The following COL14A1 variants were observed in gnomAD, a reference collection of about 807,000 sequenced individuals.
COL14A1 encodes collagen type XIV alpha 1 chain, also known as collagen alpha-1(XIV) chain.
COL14A1 carries 136 observed loss-of-function variants against 230.3 expected under a neutral mutation model. The observed-to-expected ratio is 0.59, with a 90% CI of 0.51 to 0.68. The LOEUF is 0.68. Among genes scored for constraint, COL14A1 ranks in the 30% least tolerant of loss-of-function variants. The probability of loss-of-function intolerance (pLI) is 0.00; values close to 1 mark genes in which losing one functional copy is unlikely to be tolerated. For missense variants in COL14A1, 1,976 were observed against 2,215.8 expected (o/e 0.89, Z 2.17); for synonymous variants, 792 against 784.1 (o/e 1.01, Z -0.17).
At chr8:120,296,438 C>T (rs567503449) in intron 34 of COL14A1, among the ~76,000 whole-genome samples, 128 of 151,974 alleles carry the variant, frequency 8.4e-4, no homozygotes, top group African/African-American at 2.8e-3. Flanking sequence ...TTCAATAGTA[C>T]TATCTACTTG....
intron 1 of COL14A1, among the ~76,000 whole-genome samples, chr8:120,139,501 GT>G (rs1267090164): frequency 6.6e-6 from 1 of 152,140 alleles, no homozygotes; most frequent in Non-Finnish European, 1.5e-5. Context: ...TGGATATTCA[GT>G]TTTTGCCTAA....
At chr8:120,302,040 A>C (rs1270605126) in intron 36 of COL14A1, among the ~76,000 whole-genome samples, 1 of 151,802 alleles carries the variant, frequency 6.6e-6, no homozygotes, top group East Asian at 1.9e-4. Flanking sequence ...TCTTTTGAAA[A>C]GTGTCTGTTT....
At position 120,373,225 on chromosome 8, in the gene COL14A1, G is replaced by A. The variant is rs1812219152; in HGVS notation, c.*1994G>A. ...GTATAAATGGCGAAGTATACACTAT[G>A]AGAGATTCTAATCCATTCACATCAT... On this transcript the variant is annotated 3_prime_UTR_variant, in exon 48 of 48. Coordinates refer to ENST00000297848, the MANE Select transcript of COL14A1 (RefSeq NM_021110.4). Among the ~76,000 whole-genome samples, 1 of 152,166 alleles carries A rather than the reference G, an allele frequency of 6.6e-6. No homozygotes were observed. Among genetic ancestry groups the A allele is most frequent in the Admixed American group, 6.6e-5 (1 of 15,266 alleles).
rs780491267 is a variant in COL14A1 at position 120,345,378 on chromosome 8, A to G, written c.4892A>G (p.His1631Arg). Reference protein sequence around the residue: ...RQVCEQLIQSHMARYTAILNQ... With the variant: ...RQVCEQLIQSRMARYTAILNQ... ...GTCTTTATGCTTCATACCTCAGGTC[A>G]CATGGCCAGGTACACTGCCATCCTC... Residue 1631 changes from histidine (H) to arginine (R), a missense_variant, in exon 45 of 48, where the codon CAC (histidine) becomes CGC (arginine). Physicochemically the swap from His to Arg is conservative, Grantham distance 29. Around this residue, in one of 3 missense-constraint regions of COL14A1, gnomAD observed 1,791 missense variants for 2,019.5 expected, o/e 0.89. Coordinates refer to ENST00000297848, the MANE Select transcript of COL14A1 (RefSeq NM_021110.4). 4.4e-6 allele frequency: 7 copies of G among 1,583,288 alleles called. 1 individual carries two copies. In the South Asian group the frequency reaches 8.2e-5, roughly 19 times the overall value.
chr8:120,157,124 T>C (rs1815506856), intron 2 of COL14A1, among the ~76,000 whole-genome samples: 1 of 152,182 alleles, frequency 6.6e-6, no homozygotes, highest in Admixed American at 6.5e-5. Flanking sequence ...TTGAATGACC[T>C]ACACAAAAAG....
chr8:120,217,894 A>C (rs1817804242), intron 14 of COL14A1, among the ~76,000 whole-genome samples: 1 of 149,994 alleles, frequency 6.7e-6, no homozygotes, highest in South Asian at 2.1e-4. Flanking sequence ...AAGCAGACAC[A>C]CCTGCAAAGA....
chr8:120,238,628 G>T (rs1033079871), intron 19 of COL14A1, among the ~76,000 whole-genome samples: 1 of 152,120 alleles, frequency 6.6e-6, no homozygotes, highest in Non-Finnish European at 1.5e-5. Flanking sequence ...GTTCTGTCTC[G>T]CTGGCATTCC....
Position 120,225,151 on chromosome 8 carries a change from A to G in COL14A1, c.1801A>G (p.Ile601Val). ...KGLTPLTEYT[I>V]AIFSIYDEGQ... is the part of the protein sequence containing the mutation. ...CTTGACACCTCTCACAGAGTATACT[A>G]TTGCTATTTTCTCCATCTATGATGA... The change falls in exon 15 of 48, where the codon ATT becomes GTT. Residue 601 changes from isoleucine to valine, a missense_variant. Around this residue, in one of 3 missense-constraint regions of COL14A1, gnomAD observed 1,791 missense variants for 2,019.5 expected, o/e 0.89. Coordinates refer to ENST00000297848, the MANE Select transcript of COL14A1 (RefSeq NM_021110.4). 6.2e-7 allele frequency: 1 copy of G among 1,612,614 alleles called. No homozygotes were observed. Among genetic ancestry groups the G allele is most frequent in the Non-Finnish European group, 8.5e-7 (1 of 1,179,438 alleles).
Position 120,228,729 on chromosome 8 carries a change from AC to A in COL14A1, c.2159del (p.Pro720GlnfsTer5). The stretch of plus-strand genomic sequence containing the variant: ...TTTTAGTTGACAGTTTTTGGACAGA[AC>A]CAGCTACAACCATAGTGCCTACCAC... Reference protein sequence around the residue: ...GTTLDSFWTEPATTIVPTTSV... With the variant: ...GTTLDSFWTEXATTIVPTTSV... On this transcript the variant is annotated frameshift_variant, in exon 18 of 48. Transcript: ENST00000297848. LOFTEE classifies it high-confidence loss of function. 1 of 1,613,996 alleles carries A rather than the reference AC, an allele frequency of 6.2e-7. No homozygotes were observed. The highest frequency in any genetic ancestry group is 8.5e-7 in the Non-Finnish European group (1 of 1,179,888).
intron 5 of COL14A1, among the ~76,000 whole-genome samples, chr8:120,179,078 A>G (rs1816380232): frequency 6.6e-6 from 1 of 152,086 alleles, no homozygotes; most frequent in South Asian, 2.1e-4. Flanking sequence ...TCTTTAGTTT[A>G]ATTAGATCCC....
In COL14A1 at chr8:120,208,258, C is replaced by T. The variant is rs1309385620; in HGVS notation, c.1218C>T (p.Ser406=). 6.2e-7 allele frequency: 1 copy of T among 1,612,990 alleles called. No individual in the cohort carries two copies. Among genetic ancestry groups the T allele is most frequent in the Admixed American group, 1.7e-5 (1 of 59,962 alleles). Residue 406 remains serine (S), a synonymous_variant, in exon 11 of 48, where the codon TCC becomes TCT. Transcript: ENST00000297848. The part of the protein sequence containing the change: ...DEVVVDGTVS[S]TVLKNLMSLT... Reference sequence around the variant, plus strand: ...TGGTGGTAGATGGAACTGTATCTTCCACAGTGTTGAAAAACTTGATGTCTT... The same window carrying T: ...TGGTGGTAGATGGAACTGTATCTTCTACAGTGTTGAAAAACTTGATGTCTT...
intron 21 of COL14A1, 68 bp downstream of exon 21, chr8:120,247,803 T>G: frequency 6.4e-7 from 1 of 1,552,428 alleles, no homozygotes; most frequent in Non-Finnish European, 8.8e-7. Flanking sequence ...TAAGATAAAT[T>G]GTTTTCTTAT....
At chr8:120,225,041 T>C (rs776377352) in intron 14 of COL14A1, 47 bp from the exon 15 acceptor site, 13 of 1,564,414 alleles carry the variant, frequency 8.3e-6, no homozygotes. Flanking sequence ...ATGATTCTTA[T>C]ACTTAGCATT....
rs544639022 is a variant in COL14A1, at chr8:120,150,305, G to C, written c.88+2375G>C. 1.6e-4 allele frequency among the ~76,000 whole-genome samples: 25 copies of C among 152,242 alleles called. 1 individual carries two copies. Among genetic ancestry groups the C allele is most frequent in the South Asian group, 1.2e-3 (6 of 4,814 alleles). On this transcript the variant is annotated intron_variant, in intron 2 of 47. Coordinates refer to ENST00000297848, the MANE Select transcript of COL14A1 (RefSeq NM_021110.4). ...ATTTGCAACTCATGGGGGTTTGAGGGATAGGAACAAACAAGTCATGAGAGA... is the reference window on the plus strand; with the variant it reads ...ATTTGCAACTCATGGGGGTTTGAGGCATAGGAACAAACAAGTCATGAGAGA...
chr8:120,345,819 T>C (rs1431497034), intron 45 of COL14A1, among the ~76,000 whole-genome samples: 1 of 152,154 alleles, frequency 6.6e-6, no homozygotes, highest in East Asian at 1.9e-4. Flanking sequence ...CTGAGAGTAT[T>C]TGAGCTAATG....
intron 40 of COL14A1, among the ~76,000 whole-genome samples, chr8:120,317,054 T>G (rs1219212126): frequency 1.3e-5 from 2 of 152,186 alleles, no homozygotes; most frequent in Non-Finnish European, 2.9e-5. Flanking sequence ...CAGAGGCTGG[T>G]CTTCCTTAAA....
chr8:120,253,856 G>A (rs866925347), intron 22 of COL14A1, among the ~76,000 whole-genome samples: 5 of 152,156 alleles, frequency 3.3e-5, no homozygotes, highest in Admixed American at 6.5e-5. Context: ...CCCAGGAGGT[G>A]GAGGTTGAAG....
intron 1 of COL14A1, among the ~76,000 whole-genome samples, chr8:120,132,102 C>G (rs557275629): frequency 6.6e-6 from 1 of 152,108 alleles, no homozygotes; most frequent in South Asian, 2.1e-4. Context: ...CCCGCTTTGG[C>G]CTCCCAAAGT....
intron 45 of COL14A1, among the ~76,000 whole-genome samples, chr8:120,347,948 G>A (rs1271674628): frequency 2.0e-5 from 3 of 152,066 alleles, no homozygotes; most frequent in Non-Finnish European, 4.4e-5. Context: ...ATTCTGGCAT[G>A]AACACTGAAA....
Sources: allele counts gnomAD v4.1 joint callset (sites outside exome capture counted in the v4.1 genomes callset), GRCh38; gene constraint gnomAD v4.1.1; regional missense constraint gnomAD v4.1.1; transcripts MANE v1.5; gene names NCBI Gene and HGNC (gene_info 2026-07-23, HGNC 2026-07-21).